Variants in CDH13 observed in about 807,000 individuals in gnomAD.
CDH13 encodes cadherin-13.
A neutral mutation model predicts 63.8 loss-of-function variants in CDH13; 24 were observed. That is an observed-to-expected ratio of 0.38 (90% confidence interval 0.27 to 0.53). CDH13 has a LOEUF of 0.53. Among genes scored for constraint, CDH13 ranks in the 20% least tolerant of loss-of-function variants. The pLI is 0.85. For synonymous variants in CDH13, 503 were observed against 355.3 expected (o/e 1.42, Z -4.67); for missense variants, 1,049 against 903.1 (o/e 1.16, Z -2.07).
chr16:82,995,032 A>C (rs561270858), intron 2 of CDH13, among the ~76,000 whole-genome samples: 9 of 152,206 alleles, frequency 5.9e-5, no homozygotes, highest in Non-Finnish European at 1.2e-4. Context: ...TTTACAAAGC[A>C]CTTGGTACAA....
At chr16:82,823,151 A>G (rs972272987) in intron 1 of CDH13, 1 of 152,194 alleles carries the variant, frequency 6.6e-6, no homozygotes, top group African/African-American at 2.4e-5. Flanking sequence ...ACTACCTTTT[A>G]TGACTTAGTG....
intron 7 of CDH13, among the ~76,000 whole-genome samples, chr16:83,580,095 G>A (rs1401043016): frequency 6.6e-6 from 1 of 152,130 alleles, no homozygotes; most frequent in Non-Finnish European, 1.5e-5. Context: ...TGCAGGCAGA[G>A]GGGGACAGAT....
chr16:83,400,614 A>C (rs1472176488), intron 6 of CDH13, among the ~76,000 whole-genome samples: 1 of 152,220 alleles, frequency 6.6e-6, no homozygotes, highest in East Asian at 1.9e-4. Flanking sequence ...GCACCAACCT[A>C]ATACAAACCA....
At chr16:83,698,688 A>G (rs766765210) in intron 10 of CDH13, among the ~76,000 whole-genome samples, 4 of 152,220 alleles carry the variant, frequency 2.6e-5, no homozygotes, top group African/African-American at 9.6e-5. Flanking sequence ...TTTGCTAACA[A>G]GCCGGGTCAG....
intron 1 of CDH13, among the ~76,000 whole-genome samples, chr16:82,698,883 C>G (rs1237447849): frequency 6.6e-6 from 1 of 151,920 alleles, no homozygotes; most frequent in Non-Finnish European, 1.5e-5. Context: ...AGGCCCTGTT[C>G]TATATTCTTT....
chr16:83,471,203 C>G (rs2073443445), intron 6 of CDH13, among the ~76,000 whole-genome samples: 1 of 150,826 alleles, frequency 6.6e-6, no homozygotes, highest in African/African-American at 2.4e-5. Flanking sequence ...TGTAAGATAA[C>G]ATGGTAAGAT....
At chr16:83,386,677 A>T (rs1441821953) in intron 6 of CDH13, among the ~76,000 whole-genome samples, 2 of 152,198 alleles carry the variant, frequency 1.3e-5, no homozygotes, top group African/African-American at 4.8e-5. Flanking sequence ...TAACTTGATG[A>T]GGAATTTTCC....
chr16:83,712,104 A>G (rs923615508), intron 10 of CDH13, among the ~76,000 whole-genome samples: 12 of 152,294 alleles, frequency 7.9e-5, no homozygotes, highest in African/African-American at 2.9e-4. Flanking sequence ...ACTAGGGCCC[A>G]CTATAGTGAT....
chr16:83,466,906 A>G (rs917448681), intron 6 of CDH13, among the ~76,000 whole-genome samples: 2 of 152,146 alleles, frequency 1.3e-5, no homozygotes, highest in South Asian at 2.1e-4. Context: ...GCCAAGCCCA[A>G]TTACTACAAT....
At chr16:83,561,923 A>G (rs1315604045) in intron 7 of CDH13, among the ~76,000 whole-genome samples, 1 of 152,146 alleles carries the variant, frequency 6.6e-6, no homozygotes, top group East Asian at 1.9e-4. Context: ...TGTCCAAAGG[A>G]TGGGAGGTGA....
At chr16:83,311,655 A>G (rs1184188314) in intron 5 of CDH13, among the ~76,000 whole-genome samples, 2 of 152,220 alleles carry the variant, frequency 1.3e-5, no homozygotes, top group Admixed American at 6.5e-5. Flanking sequence ...TGTTCTGTAC[A>G]TAGCATAGGA....
At chr16:83,361,668 A>T (rs111907059) in intron 6 of CDH13, among the ~76,000 whole-genome samples, 2 of 152,160 alleles carry the variant, frequency 1.3e-5, no homozygotes, top group African/African-American at 4.8e-5. Context: ...ATCCAGAACC[A>T]TTTATTGAAC....
chr16:83,342,843 G>GTTTTTTTTTTTTTTTTTTTTTT (rs778316746), intron 5 of CDH13, among the ~76,000 whole-genome samples: 10 of 65,314 alleles, frequency 1.5e-4, no homozygotes, highest in African/African-American at 2.6e-4. Context: ...TTTTGTTTCT[G>GTTTTTTTTTTTTTTTTTTTTTT]TTTTTTTTTT....
intron 2 of CDH13, among the ~76,000 whole-genome samples, chr16:83,022,399 A>G (rs530595489): frequency 6.6e-6 from 1 of 152,376 alleles, no homozygotes; most frequent in Non-Finnish European, 1.5e-5. Flanking sequence ...TATCTGTGTC[A>G]TGTCCTTGAG....
intron 5 of CDH13, among the ~76,000 whole-genome samples, chr16:83,337,186 G>A (rs79397778): frequency 0.014 from 2,090 of 152,230 alleles, 15 homozygotes; most frequent in Middle Eastern, 0.041. Flanking sequence ...ATTGTTTTGC[G>A]TACTGTGACT....
At chr16:83,221,220 G>A (rs1386750205) in intron 5 of CDH13, among the ~76,000 whole-genome samples, 2 of 152,098 alleles carry the variant, frequency 1.3e-5, no homozygotes, top group African/African-American at 4.8e-5. Flanking sequence ...GCTTACCGGG[G>A]CTGGGAAGGG....
At chr16:83,578,287 C>G (rs770396260) in intron 7 of CDH13, among the ~76,000 whole-genome samples, 2 of 152,168 alleles carry the variant, frequency 1.3e-5, no homozygotes, top group African/African-American at 4.8e-5. Flanking sequence ...CTCACAGCCG[C>G]GGGCTACTTT....
At chr16:83,144,453 G>A (rs527848878) in intron 4 of CDH13, among the ~76,000 whole-genome samples, 2 of 152,314 alleles carry the variant, frequency 1.3e-5, no homozygotes, top group East Asian at 3.9e-4. Flanking sequence ...CTATGTTCTA[G>A]TTAAGGACAT....
At chr16:83,668,033 G>C (rs1215329726) in intron 8 of CDH13, among the ~76,000 whole-genome samples, 1 of 152,090 alleles carries the variant, frequency 6.6e-6, no homozygotes, top group African/African-American at 2.4e-5. Context: ...AAGGTGACTG[G>C]GGTCCACCAG....
Sources: allele counts gnomAD v4.1 joint callset (sites outside exome capture counted in the v4.1 genomes callset), GRCh38; gene constraint gnomAD v4.1.1; transcripts MANE v1.5; gene names NCBI Gene and HGNC (gene_info 2026-07-23, HGNC 2026-07-21).